The following CLPX variants were observed in gnomAD, a reference collection of about 807,000 sequenced individuals.
The protein encoded by CLPX is caseinolytic mitochondrial matrix peptidase chaperone subunit X.
A neutral mutation model predicts 76.4 loss-of-function variants in CLPX; 34 were observed. The observed-to-expected ratio is 0.45, with a 90% CI of 0.34 to 0.59. CLPX has a LOEUF of 0.59. Among genes scored for constraint, CLPX ranks in the 20% least tolerant of loss-of-function variants. The pLI is 0.01. For synonymous variants in CLPX, 248 were observed against 270.9 expected, an observed-to-expected ratio of 0.92 and a Z score of 0.83; for missense variants, 613 against 757.0, an observed-to-expected ratio of 0.81 and a Z score of 2.23.
At chr15:65,157,347 G>A (rs574314633) in intron 8 of CLPX, among the ~76,000 whole-genome samples, 5 of 152,214 alleles carry the variant, frequency 3.3e-5, no homozygotes, top group Non-Finnish European at 5.9e-5. Context: ...GATGATAAAT[G>A]AAGGAGCAAC....
At chr15:65,180,682 A>G (rs2088155193) in intron 1 of CLPX, among the ~76,000 whole-genome samples, 2 of 152,068 alleles carry the variant, frequency 1.3e-5, no homozygotes, top group South Asian at 4.1e-4. Context: ...CGGGTGGATC[A>G]CTAGAGGTCA....
intron 1 of CLPX, 132 bp downstream of exon 1, chr15:65,184,943 G>T: frequency 1.3e-6 from 1 of 750,862 alleles, no homozygotes; most frequent in Non-Finnish European, 2.3e-6. Flanking sequence ...TGGGTGCCGG[G>T]CGAAGCGCCG....
At chr15:65,177,007 CA>C (rs1163068668) in intron 3 of CLPX, among the ~76,000 whole-genome samples, 2 of 151,974 alleles carry the variant, frequency 1.3e-5, no homozygotes, top group Non-Finnish European at 2.9e-5. Context: ...GAACAATTTT[CA>C]GCCTCTGTAT....
chr15:65,171,782 A>G (rs1172910187), intron 3 of CLPX, among the ~76,000 whole-genome samples: 1 of 152,224 alleles, frequency 6.6e-6, no homozygotes, highest in Non-Finnish European at 1.5e-5. Context: ...ATATTTCTCT[A>G]AGGAAATTAG....
rs1033654836 is a variant in CLPX, at chr15:65,150,409, CAT to C, written c.*412_*413del. Reference sequence around the variant, plus strand: ...TAAAATTCCAATATTTTCAGAAACACATGTGGGTAAAAAAGGTAACACTAAAG... The same window carrying C: ...TAAAATTCCAATATTTTCAGAAACACGTGGGTAAAAAAGGTAACACTAAAG... On this transcript the variant is annotated 3_prime_UTR_variant, in exon 14 of 14. Coordinates refer to ENST00000300107, the MANE Select transcript of CLPX (RefSeq NM_006660.5). 1.0e-4 allele frequency: 16 copies of C among 153,296 alleles called. No individual in the cohort carries two copies. The highest frequency in any genetic ancestry group is 4.1e-4 in the South Asian group (2 of 4,836). The allele number at this position is 153,296 out of a possible 1,614,324, so 9.5% of individuals were successfully genotyped here.
At chr15:65,163,367 T>C (rs1006968608) in intron 5 of CLPX, among the ~76,000 whole-genome samples, 1 of 152,174 alleles carries the variant, frequency 6.6e-6, no homozygotes, top group African/African-American at 2.4e-5. Context: ...ATTTAGTTGC[T>C]ACTAAAGGCA....
At chr15:65,166,845 C>T in intron 3 of CLPX, 60 bp from the exon 4 acceptor site, 1 of 1,488,672 alleles carries the variant, frequency 6.7e-7, no homozygotes, top group South Asian at 1.3e-5. Flanking sequence ...TAGTGTTTAA[C>T]CTTAAAGACT....
At chr15:65,170,811 T>C (rs543120302) in intron 3 of CLPX, among the ~76,000 whole-genome samples, 2 of 143,442 alleles carry the variant, frequency 1.4e-5, no homozygotes, top group East Asian at 4.4e-4. Context: ...AATTCTTGTG[T>C]TTCTGTTCTT....
At chr15:65,155,272 T>G (rs926787913) in intron 10 of CLPX, among the ~76,000 whole-genome samples, 191 bp from the exon 11 acceptor site, 7 of 152,204 alleles carry the variant, frequency 4.6e-5, no homozygotes, top group African/African-American at 1.7e-4. Flanking sequence ...TTGCTGTAAG[T>G]GGCAAAGCCA....
rs2140650539 is a variant in CLPX at position 65,180,135 on chromosome 15, T to C, written c.149A>G (p.Gln50Arg). The C allele has an allele frequency of 6.2e-7, 1 of 1,612,810 alleles. No homozygotes were observed. The highest frequency in any genetic ancestry group is 8.5e-7 in the Non-Finnish European group (1 of 1,179,194). The change falls in exon 2 of 14, where the codon CAA (glutamine) becomes CGA (arginine). Residue 50 changes from glutamine (Q) to arginine (R), a missense_variant. Transcript: ENST00000300107. ...TGTAAAGGATCTAAGAGGAGCTCTTTGCAGAATCTGAGTTTCAAATGTCCC... is the reference window on the plus strand; with the variant it reads ...TGTAAAGGATCTAAGAGGAGCTCTTCGCAGAATCTGAGTTTCAAATGTCCC... ...RLGTFETQILQRAPLRSFTET... is the reference protein window; with the variant it reads ...RLGTFETQILRRAPLRSFTET...
Position 65,155,085 on chromosome 15 carries a change from C to A in CLPX, c.1312-4G>T. On this transcript the variant is annotated splice_region_variant and splice_polypyrimidine_tract_variant and intron_variant, in intron 10 of 13. Coordinates refer to ENST00000300107, the MANE Select transcript of CLPX (RefSeq NM_006660.5). ...ATGGTGTTCCAAATCCAAGATACTG[C>A]CAAAGAAATGATGCATATTTATAAT... 1 of 1,609,060 alleles carries A rather than the reference C, an allele frequency of 6.2e-7. No homozygotes were observed. Among genetic ancestry groups the A allele is most frequent in the Non-Finnish European group, 8.5e-7 (1 of 1,176,278 alleles).
At chr15:65,151,456 G>GGAA (rs1447923709) in intron 13 of CLPX, among the ~76,000 whole-genome samples, 1 of 74,596 alleles carries the variant, frequency 1.3e-5, no homozygotes, top group Non-Finnish European at 2.4e-5. Context: ...ATTACTGGGA[G>GGAA]AAAAAAAAAA....
At chr15:65,184,925 G>A (rs757017080) in intron 1 of CLPX, 150 bp downstream of exon 1, 1 of 677,214 alleles carries the variant, frequency 1.5e-6, no homozygotes, top group Non-Finnish European at 2.6e-6. Flanking sequence ...ATTCCACGGG[G>A]AAAGTGGTGG....
At chr15:65,175,658 GAAATGCTCCAA>G (rs1470730518) in intron 3 of CLPX, among the ~76,000 whole-genome samples, 1 of 152,124 alleles carries the variant, frequency 6.6e-6, no homozygotes, top group African/African-American at 2.4e-5. Flanking sequence ...TCTGAAATCT[GAAATGCTCCAA>G]TGGAGCATTT....
intron 13 of CLPX, 30 bp from the exon 14 acceptor site, chr15:65,150,943 A>C: frequency 6.8e-7 from 1 of 1,480,846 alleles, no homozygotes; most frequent in South Asian, 1.2e-5. Context: ...TTGTTTTTTT[A>C]AAATAAAAAA....
Position 65,168,765 on chromosome 15 carries a change from G to A in CLPX, c.359-1980C>T, listed in dbSNP as rs556056803. On this transcript the variant is annotated intron_variant, in intron 3 of 13. Coordinates refer to ENST00000300107, the MANE Select transcript of CLPX (RefSeq NM_006660.5). ...AGTATAATTAAAAAAAAAACTTTGC[G>A]GATACACAGTGGATGAATACATTTA... is the stretch of plus-strand genomic sequence containing the variant. 4.0e-5 allele frequency among the ~76,000 whole-genome samples: 6 copies of A among 151,694 alleles called. No individual in the cohort carries two copies. The South Asian group carries it at 6.3e-4, about 16-fold the overall frequency.
chr15:65,157,689 T>A, intron 8 of CLPX, 57 bp downstream of exon 8: 1 of 1,479,160 alleles, frequency 6.8e-7, no homozygotes. Flanking sequence ...TGTCTCTTAA[T>A]ATTAGACTGA....
intron 9 of CLPX, among the ~76,000 whole-genome samples, chr15:65,156,441 T>G (rs2087790599): frequency 6.6e-6 from 1 of 152,234 alleles, no homozygotes; most frequent in African/African-American, 2.4e-5. Context: ...ACTTCAATTA[T>G]GGCTCTGCAA....
intron 6 of CLPX, among the ~76,000 whole-genome samples, chr15:65,160,628 C>CACAT (rs1239345293): frequency 7.6e-5 from 10 of 130,922 alleles, no homozygotes; most frequent in African/African-American, 3.3e-4. Flanking sequence ...CTCTCTCACA[C>CACAT]ACACACACAC....
Sources: allele counts gnomAD v4.1 joint callset (sites outside exome capture counted in the v4.1 genomes callset), GRCh38; gene constraint gnomAD v4.1.1; transcripts MANE v1.5; gene names NCBI Gene and HGNC (gene_info 2026-07-23, HGNC 2026-07-21).